Variants in CYTIP observed in about 807,000 individuals in gnomAD.
The protein encoded by CYTIP is cytohesin-interacting protein.
In CYTIP, 26 loss-of-function variants were observed where a neutral mutation model predicts 43.8. That is an observed-to-expected ratio of 0.59 (90% CI 0.44 to 0.82). The LOEUF is 0.82. Ranked by LOEUF, CYTIP falls within the 40% of genes least tolerant of loss-of-function variation. The probability of loss-of-function intolerance (pLI) is 0.00; values close to 1 mark genes in which losing one functional copy is unlikely to be tolerated. For synonymous variants in CYTIP, 162 were observed against 162.9 expected, an observed-to-expected ratio of 0.99 and a Z score of 0.04; for missense variants, 426 against 443.1, an observed-to-expected ratio of 0.96 and a Z score of 0.35.
chr2:157,419,944 G>T (rs965994793), intron 6 of CYTIP, among the ~76,000 whole-genome samples: 1 of 152,230 alleles, frequency 6.6e-6, no homozygotes, highest in African/African-American at 2.4e-5. Context: ...CAACCCTTAT[G>T]GTTGCCAATA....
intron 6 of CYTIP, among the ~76,000 whole-genome samples, chr2:157,419,180 AGTAGCGACGGG>A (rs1685483001): frequency 6.6e-6 from 1 of 152,120 alleles, no homozygotes; most frequent in Admixed American, 6.5e-5. Flanking sequence ...CTGTCTTTTT[AGTAGCGACGGG>A]GTTTCACCAC....
intron 6 of CYTIP, among the ~76,000 whole-genome samples, chr2:157,424,078 C>T (rs140632757): frequency 6.6e-6 from 1 of 152,248 alleles, no homozygotes; most frequent in Admixed American, 6.5e-5. Flanking sequence ...AGGATGCCTA[C>T]AACCATAATT....
At position 157,415,472 on chromosome 2, in the gene CYTIP, C is replaced by G. The variant is rs1407610556; in HGVS notation, c.*205G>C. The G allele has an allele frequency of 5.8e-6, 3 of 513,390 alleles. No individual in the cohort carries two copies. Among genetic ancestry groups the G allele is most frequent in the Non-Finnish European group, 1.1e-5 (3 of 284,916 alleles). 31.8% of individuals were successfully genotyped at this position (513,390 alleles called of 1,614,324 possible). A position where few individuals can be genotyped will look rare whatever the true frequency, so the allele number is the denominator to read the frequency against. On this transcript the variant is annotated 3_prime_UTR_variant, in exon 8 of 8. Coordinates refer to ENST00000264192, the MANE Select transcript of CYTIP (RefSeq NM_004288.5). ...ATTAATTAACTTATTATTTAGTTTT[C>G]CTGTCTGCTTAGAAATTGGCTGTTT...
At chr2:157,436,706 T>C (rs1685811192) in intron 1 of CYTIP, among the ~76,000 whole-genome samples, 1 of 152,098 alleles carries the variant, frequency 6.6e-6, no homozygotes, top group Non-Finnish European at 1.5e-5. Context: ...TTTGTTTTAC[T>C]TTCTGCCCCA....
chr2:157,415,942 C>A lies in CYTIP; in HGVS notation c.815G>T (p.Gly272Val). The change falls in exon 8 of 8, where the codon GGT (glycine) becomes GTT (valine). Residue 272 changes from glycine (G) to valine (V), a missense_variant. Physicochemically the swap from Gly to Val is moderately radical, Grantham distance 109. Transcript: ENST00000264192. ...TGTACTCGTCTGCCGACTGAAGGCACCCCTGCTGGAGTCCTCAGACACACA... is the reference window on the plus strand; with the variant it reads ...TGTACTCGTCTGCCGACTGAAGGCAACCCTGCTGGAGTCCTCAGACACACA... ...QTCVSEDSSR[G>V]AFSRQTSTDD... The A allele has an allele frequency of 6.2e-7, 1 of 1,614,212 alleles. No homozygotes were observed. The highest frequency in any genetic ancestry group is 8.5e-7 in the Non-Finnish European group (1 of 1,180,028).
At chr2:157,432,630 G>A (rs1161331632) in intron 3 of CYTIP, among the ~76,000 whole-genome samples, 1 of 152,166 alleles carries the variant, frequency 6.6e-6, no homozygotes, top group East Asian at 1.9e-4. Flanking sequence ...TGGGCTGCAC[G>A]ATTCTGATAA....
At chr2:157,434,896 CACA>C in intron 1 of CYTIP, 149 bp from the exon 2 acceptor site, 1 of 405,724 alleles carries the variant, frequency 2.5e-6, no homozygotes, top group Non-Finnish European at 4.7e-6. Flanking sequence ...CACACACACA[CACA>C]ACCTGTTCTT....
intron 2 of CYTIP, 130 bp from the exon 3 acceptor site, chr2:157,434,554 T>C (rs1388634610): frequency 5.5e-6 from 5 of 913,542 alleles, no homozygotes; most frequent in East Asian, 2.5e-5. Flanking sequence ...GTATGTAAGA[T>C]TCTGTGTGTG....
In CYTIP at chr2:157,415,716, G is replaced by T. The variant is rs1266916287; in HGVS notation, c.1041C>A (p.Gly347=). ...CTTCCTCTTCCACAGCACGATGAAGGCCAGGGATAAATTTCAAGAGTTGCT... is the reference window on the plus strand; with the variant it reads ...CTTCCTCTTCCACAGCACGATGAAGTCCAGGGATAAATTTCAAGAGTTGCT... ...VRKQLLKFIP[G]LHRAVEEEES... Residue 347 remains glycine, a synonymous_variant, in exon 8 of 8, where the codon GGC becomes GGA. Transcript: ENST00000264192. The T allele has an allele frequency of 6.2e-6, 10 of 1,613,546 alleles. No individual in the cohort carries two copies. The South Asian group carries it at 6.6e-5, about 11-fold the overall frequency.
intron 6 of CYTIP, among the ~76,000 whole-genome samples, chr2:157,424,267 T>C (rs570524646): frequency 1.3e-4 from 20 of 152,306 alleles, no homozygotes; most frequent in Non-Finnish European, 2.5e-4. Flanking sequence ...TGTTTGAATA[T>C]AGTCACAGCA....
chr2:157,424,681 C>T (rs188272577), intron 6 of CYTIP, among the ~76,000 whole-genome samples: 1 of 152,102 alleles, frequency 6.6e-6, no homozygotes, highest in African/African-American at 2.4e-5. Flanking sequence ...TAGAGTGAGA[C>T]CCTGTCTCCA....
At chr2:157,416,223 G>A in intron 7 of CYTIP, 80 bp from the exon 8 acceptor site, 1 of 1,162,176 alleles carries the variant, frequency 8.6e-7, no homozygotes, top group Non-Finnish European at 1.2e-6. Flanking sequence ...ACTTCTCTTT[G>A]AATGACACGA....
At chr2:157,441,248 T>C (rs1388190429) in intron 1 of CYTIP, among the ~76,000 whole-genome samples, 1 of 152,188 alleles carries the variant, frequency 6.6e-6, no homozygotes, top group Non-Finnish European at 1.5e-5. Flanking sequence ...AAGGATCTTG[T>C]TGCCTGCAAT....
At position 157,426,126 on chromosome 2, in the gene CYTIP, G is replaced by C. The variant is rs142455417; in HGVS notation, c.546+1225C>G. ...AGCAATAAGTGGCTGAAAATTAAAA[G>C]ATTAATATAGCAAGAACAATGAGGA... is the stretch of plus-strand genomic sequence containing the variant. On this transcript the variant is annotated intron_variant, in intron 6 of 7. Transcript: ENST00000264192. Among the ~76,000 whole-genome samples the C allele has an allele frequency of 2.6e-5, 4 of 151,964 alleles. No homozygotes were observed. In the East Asian group the frequency reaches 7.7e-4, roughly 29 times the overall value.
chr2:157,443,838 C>T lies in CYTIP; in HGVS notation c.174+9G>A, dbSNP rs759453611. ...GAACACTCTAAAGGGTACAAAATAG[C>T]AATCATACCTGCTTTCGTCCCCGAG... On this transcript the variant is annotated intron_variant, in intron 1 of 7. Coordinates refer to ENST00000264192, the MANE Select transcript of CYTIP (RefSeq NM_004288.5). The T allele has an allele frequency of 6.2e-7, 1 of 1,613,580 alleles. No individual in the cohort carries two copies. The highest frequency in any genetic ancestry group is 1.1e-5 in the South Asian group (1 of 91,036).
chr2:157,437,361 A>G (rs1186325019), intron 1 of CYTIP, among the ~76,000 whole-genome samples: 1 of 152,128 alleles, frequency 6.6e-6, no homozygotes, highest in African/African-American at 2.4e-5. Flanking sequence ...ACAGAAAAAA[A>G]AAAATTTAAA....
intron 3 of CYTIP, 79 bp downstream of exon 3, chr2:157,434,291 A>G: frequency 1.7e-6 from 2 of 1,155,278 alleles, no homozygotes; most frequent in African/African-American, 1.5e-5. Flanking sequence ...TCCTAACTTC[A>G]TTTTTTCTTT....
chr2:157,430,734 A>C (rs920630684), intron 4 of CYTIP, 82 bp from the exon 5 acceptor site: 12 of 1,475,614 alleles, frequency 8.1e-6, no homozygotes, highest in Non-Finnish European at 1.1e-5. Context: ...AAGCAGCTCC[A>C]AGTCTTAAAA....
At chr2:157,425,311 A>G (rs1299536724) in intron 6 of CYTIP, among the ~76,000 whole-genome samples, 1 of 152,190 alleles carries the variant, frequency 6.6e-6, no homozygotes, top group Admixed American at 6.5e-5. Flanking sequence ...GACTATAGCA[A>G]GAAAGTAAGT....
Sources: gnomAD v4.1 joint callset for allele counts (sites outside exome capture counted in the v4.1 genomes callset) on GRCh38, gnomAD v4.1.1 for gene constraint, MANE v1.5 for transcripts, NCBI Gene and HGNC (gene_info 2026-07-23, HGNC 2026-07-21) for gene names.